Variants in ZNF385D observed in about 807,000 individuals in gnomAD.
ZNF385D encodes zinc finger protein 659.
Under a neutral mutation model 35.8 loss-of-function variants are expected in ZNF385D, and 15 were observed. That is an observed-to-expected ratio of 0.42 (90% CI 0.28 to 0.64). The LOEUF is 0.64. ZNF385D is among the 30% of genes least tolerant of loss of function. The pLI is 0.23. For missense variants in ZNF385D, 474 were observed against 494.6 expected, an observed-to-expected ratio of 0.96 and a Z score of 0.39; for synonymous variants, 212 against 186.8, an observed-to-expected ratio of 1.13 and a Z score of -1.10.
At chr3:21,459,469 G>A (rs965560643) in intron 4 of ZNF385D, 1 of 151,928 alleles carries the variant, frequency 6.6e-6, no homozygotes, top group Non-Finnish European at 1.5e-5. Context: ...GGAAAGAGGA[G>A]AAGAGCAGAA....
At chr3:21,920,906 TG>T (rs1365480463) in intron 3 of ZNF385D, among the ~76,000 whole-genome samples, 1 of 151,960 alleles carries the variant, frequency 6.6e-6, no homozygotes, top group African/African-American at 2.4e-5. Flanking sequence ...ATTTAAAATT[TG>T]AACTCATTTA....
chr3:21,915,759 T>C (rs774282117), intron 3 of ZNF385D, among the ~76,000 whole-genome samples: 4 of 152,254 alleles, frequency 2.6e-5, no homozygotes, highest in African/African-American at 7.2e-5. Context: ...CAAGGACTTA[T>C]TTAGAAATTA....
At chr3:21,755,695 G>C (rs1344538639), upstream of ZNF385D, among the ~76,000 whole-genome samples, 2 of 152,120 alleles carry the variant, frequency 1.3e-5, no homozygotes, top group African/African-American at 4.8e-5. Flanking sequence ...CCAAATGAAA[G>C]AGGATTTTCT....
At chr3:21,755,181 A>C (rs1412594044), upstream of ZNF385D, among the ~76,000 whole-genome samples, 1 of 152,182 alleles carries the variant, frequency 6.6e-6, no homozygotes, top group Admixed American at 6.5e-5. Flanking sequence ...GCTTTAGTTT[A>C]GTCCACCTTT....
intron 2 of ZNF385D, among the ~76,000 whole-genome samples, chr3:22,290,113 A>T (rs1296733010): frequency 1.3e-5 from 2 of 152,118 alleles, no homozygotes; most frequent in Non-Finnish European, 2.9e-5. Flanking sequence ...TTAGTCCATT[A>T]TGCTTCCAAG....
At chr3:22,312,771 T>A (rs1354455482) in intron 2 of ZNF385D, among the ~76,000 whole-genome samples, 4 of 148,028 alleles carry the variant, frequency 2.7e-5, no homozygotes. Context: ...GGAGAGGATG[T>A]GGAGAAATAG....
intron 1 of ZNF385D, among the ~76,000 whole-genome samples, chr3:21,684,655 T>G (rs1359621426): frequency 6.6e-6 from 1 of 152,146 alleles, no homozygotes; most frequent in Admixed American, 6.5e-5. Flanking sequence ...ATCCATAGTT[T>G]GATTTTTCTG....
intron 2 of ZNF385D, among the ~76,000 whole-genome samples, chr3:21,652,244 A>C (rs1167967641): frequency 6.6e-6 from 1 of 152,072 alleles, no homozygotes. Context: ...CAATGCATCA[A>C]CCTTTCTACC....
chr3:22,328,531 G>A (rs901570547), intron 2 of ZNF385D, among the ~76,000 whole-genome samples: 7 of 152,138 alleles, frequency 4.6e-5, no homozygotes, highest in South Asian at 2.1e-4. Context: ...TTGGGAGGCC[G>A]AGGCTGGCAG....
At chr3:22,110,377 T>G (rs1227966713) in intron 3 of ZNF385D, among the ~76,000 whole-genome samples, 1 of 151,898 alleles carries the variant, frequency 6.6e-6, no homozygotes, top group Non-Finnish European at 1.5e-5. Flanking sequence ...AGCAAAGACT[T>G]GGAACCAACC....
intron 3 of ZNF385D, among the ~76,000 whole-genome samples, chr3:22,010,235 G>T (rs1035523125): frequency 7.9e-5 from 12 of 152,210 alleles, no homozygotes; most frequent in African/African-American, 2.7e-4. Flanking sequence ...AGCATAAAAC[G>T]TGGAATGATC....
intron 2 of ZNF385D, among the ~76,000 whole-genome samples, chr3:21,637,019 A>G (rs1254386289): frequency 6.6e-6 from 1 of 151,912 alleles, no homozygotes; most frequent in East Asian, 1.9e-4. Context: ...AGATGTATAG[A>G]TTGTGAAGAT....
intron 2 of ZNF385D, among the ~76,000 whole-genome samples, chr3:22,208,028 C>T (rs1341827097): frequency 6.6e-6 from 1 of 151,822 alleles, no homozygotes; most frequent in Non-Finnish European, 1.5e-5. Flanking sequence ...AAAGGTTCCT[C>T]TAAAAACTGA....
intron 5 of ZNF385D, among the ~76,000 whole-genome samples, chr3:21,436,065 A>G (rs577096812): frequency 6.6e-6 from 1 of 152,266 alleles, no homozygotes; most frequent in South Asian, 2.1e-4. Context: ...CTGGCAATGA[A>G]CCCAGTCTTT....
At chr3:22,281,972 A>G (rs556250981) in intron 2 of ZNF385D, among the ~76,000 whole-genome samples, 2 of 152,088 alleles carry the variant, frequency 1.3e-5, no homozygotes, top group South Asian at 4.2e-4. Context: ...GGTTTAATCT[A>G]GGAGGGTTGT....
chr3:21,820,799 G>A (rs1181863425), intron 3 of ZNF385D, among the ~76,000 whole-genome samples: 1 of 150,864 alleles, frequency 6.6e-6, no homozygotes, highest in African/African-American at 2.4e-5. Context: ...AGAAGTCTGA[G>A]GACATTGTGT....
At chr3:21,590,492 G>A (rs1215649464) in intron 2 of ZNF385D, among the ~76,000 whole-genome samples, 1 of 151,952 alleles carries the variant, frequency 6.6e-6, no homozygotes, top group Non-Finnish European at 1.5e-5. Flanking sequence ...ATTGAAGAAA[G>A]CAAAATGAGA....
At chr3:22,278,880 C>T (rs1365926104) in intron 2 of ZNF385D, among the ~76,000 whole-genome samples, 1 of 152,016 alleles carries the variant, frequency 6.6e-6, no homozygotes, top group Non-Finnish European at 1.5e-5. Context: ...ATTGGCTTGA[C>T]GTGACCTTTT....
At chr3:22,028,864 G>T (rs1224290635) in intron 3 of ZNF385D, among the ~76,000 whole-genome samples, 1 of 152,080 alleles carries the variant, frequency 6.6e-6, no homozygotes, top group Non-Finnish European at 1.5e-5. Context: ...GTCAACTAGG[G>T]GACTATACTT....
Sources: allele counts gnomAD v4.1 joint callset (sites outside exome capture counted in the v4.1 genomes callset), GRCh38; gene constraint gnomAD v4.1.1; transcripts MANE v1.5; gene names NCBI Gene and HGNC (gene_info 2026-07-23, HGNC 2026-07-21).